BRD10: variants seen among roughly 807,000 people sequenced by gnomAD.
BRD10 encodes bromodomain containing 10.
At chr9:5,955,829 G>A in the BRD10 span, among the ~76,000 whole-genome samples, 1 of 152,238 alleles carries the variant, frequency 6.6e-6, no homozygotes, top group African/African-American at 2.4e-5. Flanking sequence ...GTAAGTGGGT[G>A]GGCTGCTTAA....
the BRD10 span, among the ~76,000 whole-genome samples, chr9:5,885,353 G>A: frequency 4.0e-4 from 61 of 151,360 alleles, no homozygotes; most frequent in African/African-American, 1.4e-3. Context: ...GCCAGGCACT[G>A]TGCTAGATGA....
the BRD10 span, among the ~76,000 whole-genome samples, chr9:5,984,588 T>C: frequency 6.6e-6 from 1 of 152,168 alleles, no homozygotes; most frequent in East Asian, 1.9e-4. Context: ...TAAATATCTA[T>C]GCATCTAATA....
the BRD10 span, among the ~76,000 whole-genome samples, chr9:5,962,395 C>T: frequency 2.7e-5 from 3 of 110,306 alleles, no homozygotes; most frequent in African/African-American, 1.1e-4. Context: ...ATAACAGGAG[C>T]TGAAATTGTG....
At chr9:5,997,142 G>A in the BRD10 span, among the ~76,000 whole-genome samples, 1 of 152,122 alleles carries the variant, frequency 6.6e-6, no homozygotes, top group Admixed American at 6.5e-5. Flanking sequence ...TGAAATAACA[G>A]GTCTTAACAA....
the BRD10 span, among the ~76,000 whole-genome samples, chr9:5,893,445 G>A: frequency 6.6e-6 from 1 of 152,202 alleles, no homozygotes; most frequent in African/African-American, 2.4e-5. Context: ...GCAGGGACCA[G>A]CAAGATGTAA....
At chr9:5,918,108 C>G in the BRD10 span, among the ~76,000 whole-genome samples, 151,743 of 152,348 alleles carry the variant, frequency 1, 75,570 homozygotes, top group East Asian at 1. Flanking sequence ...GACAGAAAAA[C>G]GGGGAGAGTG....
At chr9:5,910,026 T>C in the BRD10 span, 2 of 152,194 alleles carry the variant, frequency 1.3e-5, no homozygotes, top group African/African-American at 4.8e-5. Context: ...ACGAAGATAA[T>C]GAAAGTAATT....
chr9:5,906,510 A>G, the BRD10 span, among the ~76,000 whole-genome samples: 1 of 152,194 alleles, frequency 6.6e-6, no homozygotes, highest in Non-Finnish European at 1.5e-5. Context: ...GAATTCCCTC[A>G]ATTTTTGCTT....
chr9:5,878,942 A>G, the BRD10 span, among the ~76,000 whole-genome samples: 3 of 152,200 alleles, frequency 2.0e-5, no homozygotes, highest in African/African-American at 7.2e-5. Context: ...TCAACTTGGA[A>G]GGAGATTCTG....
At chr9:5,918,532 T>C in the BRD10 span, among the ~76,000 whole-genome samples, 3 of 152,176 alleles carry the variant, frequency 2.0e-5, no homozygotes, top group South Asian at 4.1e-4. Flanking sequence ...CCTAGCAACA[T>C]GGTGAAACCA....
At chr9:5,998,887 T>C in the BRD10 span, among the ~76,000 whole-genome samples, 4 of 152,028 alleles carry the variant, frequency 2.6e-5, no homozygotes, top group Non-Finnish European at 5.9e-5. Flanking sequence ...ATATAAATGG[T>C]TCTCATACTT....
At chr9:5,990,954 T>C in the BRD10 span, among the ~76,000 whole-genome samples, 4 of 152,198 alleles carry the variant, frequency 2.6e-5, no homozygotes, top group African/African-American at 9.7e-5. Context: ...TTTAAAACAC[T>C]GGAAACATAA....
chr9:5,893,604 T>C, the BRD10 span, among the ~76,000 whole-genome samples: 1 of 152,158 alleles, frequency 6.6e-6, no homozygotes, highest in African/African-American at 2.4e-5. Flanking sequence ...ACATACTCTT[T>C]GAGGGAGGGG....
chr9:5,914,325 T>G, the BRD10 span, among the ~76,000 whole-genome samples: 1 of 152,052 alleles, frequency 6.6e-6, no homozygotes, highest in Non-Finnish European at 1.5e-5. Context: ...CTTTTTATTG[T>G]TTTTTCTTAG....
At chr9:5,969,706 G>C in the BRD10 span, among the ~76,000 whole-genome samples, 1 of 152,062 alleles carries the variant, frequency 6.6e-6, no homozygotes, top group African/African-American at 2.4e-5. Flanking sequence ...ACCACACCCA[G>C]CTAACATTTT....
chr9:5,990,542 T>C, the BRD10 span, among the ~76,000 whole-genome samples: 1 of 152,170 alleles, frequency 6.6e-6, no homozygotes, highest in African/African-American at 2.4e-5. Context: ...GTAGATAAGA[T>C]AAAGGTATAA....
the BRD10 span, among the ~76,000 whole-genome samples, chr9:5,891,928 C>A: frequency 6.6e-6 from 1 of 152,308 alleles, no homozygotes; most frequent in South Asian, 2.1e-4. Flanking sequence ...TGCTCAACCT[C>A]ATGCACCCTC....
the BRD10 span, chr9:5,969,049 A>T: frequency 6.2e-7 from 1 of 1,612,726 alleles, no homozygotes; most frequent in East Asian, 2.2e-5. Flanking sequence ...CCAGTTTTTC[A>T]GCACAGTTAT....
chr9:6,003,279 C>A, the BRD10 span, among the ~76,000 whole-genome samples: 2 of 152,166 alleles, frequency 1.3e-5, no homozygotes, highest in Non-Finnish European at 2.9e-5. Context: ...AAAAAGCCAT[C>A]TTCAGCCTAC....
Sources: gnomAD v4.1 joint callset for allele counts (sites outside exome capture counted in the v4.1 genomes callset) on GRCh38, gnomAD v4.1.1 for gene constraint, MANE v1.5 for transcripts, NCBI Gene and HGNC (gene_info 2026-07-23, HGNC 2026-07-21) for gene names.